The following PRDM5 variants were observed in gnomAD, a reference collection of about 807,000 sequenced individuals.
The protein encoded by PRDM5 is PR/SET domain 5, also known as PR domain zinc finger protein 5.
PRDM5 carries 56 observed loss-of-function variants against 81.2 expected under a neutral mutation model. The observed-to-expected ratio is 0.69, with a 90% CI of 0.56 to 0.86. The LOEUF (loss-of-function observed/expected upper bound fraction) is 0.86. PRDM5 is among the 40% of genes least tolerant of loss of function. The pLI is 0.00. For synonymous variants in PRDM5, 267 were observed against 256.4 expected (o/e 1.04, Z -0.39); for missense variants, 697 against 770.1 (o/e 0.91, Z 1.12).
chr4:120,853,316 A>C, intron 3 of PRDM5, 102 bp downstream of exon 3: 1 of 1,531,414 alleles, frequency 6.5e-7, no homozygotes. Context: ...CTGTTATTTG[A>C]AGGAGGTCAT....
intron 3 of PRDM5, among the ~76,000 whole-genome samples, chr4:120,822,840 A>C (rs1352116162): frequency 6.6e-6 from 1 of 152,194 alleles, no homozygotes; most frequent in African/African-American, 2.4e-5. Context: ...CATGTGCTAC[A>C]CTTAATGTAT....
chr4:120,882,230 C>A (rs1762919721), intron 2 of PRDM5, among the ~76,000 whole-genome samples: 1 of 152,206 alleles, frequency 6.6e-6, no homozygotes, highest in African/African-American at 2.4e-5. Context: ...TCATTGCAAC[C>A]TCCGCCTCCC....
At chr4:120,780,244 A>G (rs1314937717) in intron 12 of PRDM5, among the ~76,000 whole-genome samples, 12 of 143,238 alleles carry the variant, frequency 8.4e-5, no homozygotes, top group African/African-American at 2.7e-4. Flanking sequence ...CAGGAGTTCA[A>G]GACCATCCTG....
At chr4:120,729,535 C>T (rs185268497) in intron 14 of PRDM5, among the ~76,000 whole-genome samples, 11 of 152,192 alleles carry the variant, frequency 7.2e-5, no homozygotes, top group South Asian at 2.1e-4. Flanking sequence ...TTGGCCTAGA[C>T]GTATCTCCCT....
intron 3 of PRDM5, among the ~76,000 whole-genome samples, chr4:120,836,364 T>G (rs912618151): frequency 1.3e-5 from 2 of 152,194 alleles, no homozygotes; most frequent in African/African-American, 4.8e-5. Context: ...CTTTTTAATT[T>G]TAATATATTT....
At chr4:120,690,736 T>C (rs1734010192), downstream of PRDM5, among the ~76,000 whole-genome samples, 1 of 152,162 alleles carries the variant, frequency 6.6e-6, no homozygotes, top group South Asian at 2.1e-4. Flanking sequence ...ATTGATATTT[T>C]TTGAATTTTT....
chr4:120,805,564 T>C (rs556188846), intron 8 of PRDM5, among the ~76,000 whole-genome samples: 3 of 152,246 alleles, frequency 2.0e-5, no homozygotes, highest in Non-Finnish European at 2.9e-5. Flanking sequence ...AATCAAAAAA[T>C]GTAATCCAGT....
At chr4:120,684,795 A>C (rs988295931), downstream of PRDM5, 1 of 152,048 alleles carries the variant, frequency 6.6e-6, no homozygotes, top group African/African-American at 2.4e-5. Context: ...TAAAAATTAC[A>C]TAAATACATG....
In PRDM5 at chr4:120,780,192, T is replaced by A. The variant is rs555275753; in HGVS notation, c.1443+951A>T. On this transcript the variant is annotated intron_variant, in intron 12 of 15. Coordinates refer to ENST00000264808, the MANE Select transcript of PRDM5 (RefSeq NM_018699.4). ...AACACTGCCTGAGTGCAGTGTCTCA[T>A]GCCTGTAATTCCAGCACTTTCAGAG... Among the ~76,000 whole-genome samples, 256 of 152,266 alleles carry A rather than the reference T, an allele frequency of 1.7e-3. 1 individual carries two copies. Among genetic ancestry groups the A allele is most frequent in the South Asian group, 8.5e-3 (41 of 4,822 alleles).
intron 11 of PRDM5, among the ~76,000 whole-genome samples, chr4:120,781,677 C>A (rs1749058656): frequency 6.6e-6 from 1 of 152,096 alleles, no homozygotes; most frequent in Admixed American, 6.5e-5. Flanking sequence ...TGGGCCCCTC[C>A]CAAAGTTCCC....
intron 7 of PRDM5, among the ~76,000 whole-genome samples, chr4:120,811,772 T>C (rs1008660678): frequency 1.3e-5 from 2 of 152,100 alleles, no homozygotes; most frequent in African/African-American, 4.8e-5. Flanking sequence ...AGGTGTTATG[T>C]ATTTTTCGGG....
intron 3 of PRDM5, among the ~76,000 whole-genome samples, chr4:120,836,538 G>A (rs1362886144): frequency 6.6e-6 from 1 of 152,152 alleles, no homozygotes; most frequent in Non-Finnish European, 1.5e-5. Context: ...AAGACTTACA[G>A]TTAGATACTT....
At chr4:120,744,071 A>G (rs1244297908) in intron 14 of PRDM5, among the ~76,000 whole-genome samples, 1 of 152,204 alleles carries the variant, frequency 6.6e-6, no homozygotes, top group African/African-American at 2.4e-5. Flanking sequence ...AGAAATTATA[A>G]CAAACTATCT....
rs1387587825 is a variant in PRDM5, at chr4:120,694,615, A to T, written c.*496T>A. 2 of 157,622 alleles carry T rather than the reference A, an allele frequency of 1.3e-5. No homozygotes were observed. Among genetic ancestry groups the T allele is most frequent in the African/African-American group, 4.8e-5 (2 of 41,462 alleles). 9.8% of individuals were successfully genotyped at this position (157,622 alleles called of 1,614,324 possible). On this transcript the variant is annotated 3_prime_UTR_variant, in exon 16 of 16. Transcript: ENST00000264808. ...ATCAAACTTGAGACTTTGATAACTT[A>T]TTCTTATCCTCATCTGCAAAGAAAT...
intron 13 of PRDM5, among the ~76,000 whole-genome samples, chr4:120,761,908 T>C (rs1005575324): frequency 6.6e-6 from 1 of 152,074 alleles, no homozygotes; most frequent in African/African-American, 2.4e-5. Context: ...GATTAAAAAA[T>C]GCAAAATTTT....
chr4:120,713,731 T>A (rs1737345908), intron 14 of PRDM5, among the ~76,000 whole-genome samples: 1 of 152,204 alleles, frequency 6.6e-6, no homozygotes, highest in Admixed American at 6.5e-5. Context: ...TTTATTTATA[T>A]CTTGATTTTT....
chr4:120,850,657 T>G (rs1348631408), intron 3 of PRDM5, among the ~76,000 whole-genome samples: 1 of 152,136 alleles, frequency 6.6e-6, no homozygotes, highest in Non-Finnish European at 1.5e-5. Flanking sequence ...CTGAACATAC[T>G]TAGATTATAA....
At chr4:120,893,756 C>T (rs1038781783) in intron 2 of PRDM5, among the ~76,000 whole-genome samples, 3 of 152,192 alleles carry the variant, frequency 2.0e-5, no homozygotes, top group South Asian at 2.1e-4. Context: ...CATTCACATT[C>T]GGAACATATC....
In PRDM5 at chr4:120,710,315, C is replaced by T. The variant is rs147796327; in HGVS notation, c.1722G>A (p.Gln574=). ...GAAAAAAATCCAAACTCACATCACA[C>T]TGAAAAGGCTTTTCTCCAGTGTGCG... ...KRTHTGEKPF[Q]CDVCDLAFSL... Residue 574 remains glutamine, a synonymous_variant, in exon 15 of 16, where the codon CAG becomes CAA. Coordinates refer to ENST00000264808, the MANE Select transcript of PRDM5 (RefSeq NM_018699.4). The T allele has an allele frequency of 1.4e-4, 229 of 1,613,794 alleles. No homozygotes were observed. Among genetic ancestry groups the T allele is most frequent in the Non-Finnish European group, 1.9e-4 (224 of 1,179,986 alleles).
Sources: gnomAD v4.1 joint callset for allele counts (sites outside exome capture counted in the v4.1 genomes callset) on GRCh38, gnomAD v4.1.1 for gene constraint, MANE v1.5 for transcripts, NCBI Gene and HGNC (gene_info 2026-07-23, HGNC 2026-07-21) for gene names.